The following TSBP1 variants were observed in gnomAD, a reference collection of about 807,000 sequenced individuals.
TSBP1 encodes the protein testis-expressed basic protein 1.
Under a neutral mutation model 68.8 loss-of-function variants are expected in TSBP1, and 56 were observed. That is an observed-to-expected ratio of 0.81 (90% CI 0.66 to 1.02). The LOEUF (loss-of-function observed/expected upper bound fraction) is 1.02. TSBP1 is among the 50% of genes least tolerant of loss of function. The probability of loss-of-function intolerance (pLI) is 0.00; values close to 1 mark genes in which losing one functional copy is unlikely to be tolerated. For synonymous variants in TSBP1, 171 were observed against 208.7 expected (o/e 0.82, Z 1.56); for missense variants, 502 against 641.2 (o/e 0.78, Z 2.34).
chr6:32,300,837 C>G, intron 20 of TSBP1, 137 bp from the exon 24 acceptor site: 1 of 726,198 alleles, frequency 1.4e-6, no homozygotes, highest in Non-Finnish European at 2.4e-6. Flanking sequence ...AACTTCATTT[C>G]CCTTCCCCCT....
intron 19 of TSBP1, among the ~76,000 whole-genome samples, chr6:32,303,386 T>A (rs1395634602): frequency 2.0e-5 from 3 of 152,162 alleles, no homozygotes; most frequent in African/African-American, 7.2e-5. Flanking sequence ...CTTTGTCTTC[T>A]TGATGCATTG....
intron 22 of TSBP1, among the ~76,000 whole-genome samples, chr6:32,298,408 T>G (rs1562054337): frequency 6.6e-6 from 1 of 152,094 alleles, no homozygotes; most frequent in African/African-American, 2.4e-5. Flanking sequence ...AGTGAAACCC[T>G]GTCTCTATTA....
intron 15 of TSBP1, among the ~76,000 whole-genome samples, chr6:32,331,817 A>G (rs2127599376): frequency 1.3e-5 from 2 of 152,284 alleles, no homozygotes; most frequent in African/African-American, 4.8e-5. Flanking sequence ...TGCTGGACGT[A>G]AAGCCTACAT....
intron 10 of TSBP1, chr6:32,339,279 A>G: frequency 1.8e-6 from 1 of 553,348 alleles, no homozygotes; most frequent in South Asian, 2.5e-5. Context: ...AATTTCATTA[A>G]TTAATCTAGT....
At chr6:32,327,970 T>G (rs11752503) in intron 16 of TSBP1, among the ~76,000 whole-genome samples, 1 of 149,856 alleles carries the variant, frequency 6.7e-6, no homozygotes, top group Non-Finnish European at 1.5e-5. Flanking sequence ...TATTATTTTT[T>G]TTTTTTTGTA....
At chr6:32,330,921 C>T (rs2032288230) in intron 15 of TSBP1, among the ~76,000 whole-genome samples, 2 of 152,150 alleles carry the variant, frequency 1.3e-5, no homozygotes, top group Non-Finnish European at 2.9e-5. Flanking sequence ...TCCTTGGCCT[C>T]CCAAAGTGCT....
In TSBP1 at chr6:32,367,906, T is replaced by C. The variant is rs768448572; in HGVS notation, c.166+19A>G. The C allele has an allele frequency of 1.3e-6, 2 of 1,582,900 alleles. No homozygotes were observed. Among genetic ancestry groups the C allele is most frequent in the Non-Finnish European group, 1.7e-6 (2 of 1,153,298 alleles). ...GTATATTCCTTCATTAACTGTCTAG[T>C]AGTTCCTAATCTATTTACCTCTACC... On this transcript the variant is annotated intron_variant, in intron 4 of 22. Transcript: ENST00000612031.
At chr6:32,328,778 G>C (rs10947253) in intron 16 of TSBP1, among the ~76,000 whole-genome samples, 50,977 of 150,982 alleles carry the variant, frequency 0.34, 9,621 homozygotes, top group Middle Eastern at 0.52. Flanking sequence ...GTCTCGAACT[G>C]CTGACCTCGT....
rs571126984 is a variant in TSBP1 at position 32,338,597 on chromosome 6, G to A, written c.409+382C>T. 6.6e-5 allele frequency among the ~76,000 whole-genome samples: 10 copies of A among 152,038 alleles called. 1 individual carries two copies. In the South Asian group the frequency reaches 1.3e-3, roughly 19 times the overall value. On this transcript the variant is annotated intron_variant, in intron 11 of 22. Coordinates refer to ENST00000612031, the Ensembl canonical transcript of TSBP1. This position sits in a 1 kb window ranked among gnomAD's most constrained non-coding sequence, Gnocchi z 5.5. ...ACATCAGTGACAGTCTGGGATCCTC[G>A]GTCAGTGAGCTGGGACTCACTGCAT...
chr6:32,355,285 G>C, intron 7 of TSBP1, 141 bp from the exon 8 acceptor site: 1 of 798,938 alleles, frequency 1.3e-6, no homozygotes, highest in Non-Finnish European at 2.1e-6. Context: ...CTGGTGATGG[G>C]TACTGACAGC....
chr6:32,354,290 A>G (rs1435524631), intron 8 of TSBP1, among the ~76,000 whole-genome samples: 1 of 152,060 alleles, frequency 6.6e-6, no homozygotes, highest in African/African-American at 2.4e-5. Context: ...AGCAATTTAT[A>G]TAGGGTGAAG....
intron 19 of TSBP1, among the ~76,000 whole-genome samples, chr6:32,303,925 T>C (rs1440947695): frequency 6.6e-6 from 1 of 152,210 alleles, no homozygotes; most frequent in African/African-American, 2.4e-5. Flanking sequence ...CTTTTATCTT[T>C]TGGAGTTTCA....
At chr6:32,339,523 C>A in intron 10 of TSBP1, 77 bp downstream of exon 11, 1 of 812,582 alleles carries the variant, frequency 1.2e-6, no homozygotes, top group South Asian at 1.4e-5. Context: ...ATCAAAATAT[C>A]ACATGTATCC....
At chr6:32,332,267 G>A (rs993662912) in intron 14 of TSBP1, among the ~76,000 whole-genome samples, 2 of 152,160 alleles carry the variant, frequency 1.3e-5, no homozygotes, top group African/African-American at 4.8e-5. Flanking sequence ...TCAGCCCAAG[G>A]TGAAGGTTTT....
At position 32,343,587 on chromosome 6, in the gene TSBP1, G is replaced by A. The variant is rs1583113323; in HGVS notation, c.350-3949C>T. Among the ~76,000 whole-genome samples, 2 of 151,860 alleles carry A rather than the reference G, an allele frequency of 1.3e-5. No homozygotes were observed. The highest frequency in any genetic ancestry group is 4.8e-5 in the African/African-American group (2 of 41,314). ...TTGGAGAGTCTTCTTTCCCTAATGTGATAGCCTCAAGAACCAAAGAAAGGC... is the reference window on the plus strand; with the variant it reads ...TTGGAGAGTCTTCTTTCCCTAATGTAATAGCCTCAAGAACCAAAGAAAGGC... On this transcript the variant is annotated intron_variant, in intron 9 of 22. Transcript: ENST00000612031. The surrounding 1 kb of genome is among the most constrained non-coding windows in gnomAD (Gnocchi z 4.3).
At position 32,306,161 on chromosome 6, in the gene TSBP1, T is replaced by A. The variant is rs138801475; in HGVS notation, c.581-3532A>T. ...TTAGGACAATTTTAGAACACTAAGATAAAATGCAAAAACAGCAATCATGGA... is the reference window on the plus strand; with the variant it reads ...TTAGGACAATTTTAGAACACTAAGAAAAAATGCAAAAACAGCAATCATGGA... On this transcript the variant is annotated intron_variant, in intron 19 of 22. Transcript: ENST00000612031. This position sits in a 1 kb window ranked among gnomAD's most constrained non-coding sequence, Gnocchi z 5.1. 6.6e-6 allele frequency among the ~76,000 whole-genome samples: 1 copy of A among 152,176 alleles called. No individual in the cohort carries two copies. The highest frequency in any genetic ancestry group is 1.5e-5 in the Non-Finnish European group (1 of 68,012).
chr6:32,367,471 A>C (rs1378468368), intron 4 of TSBP1, among the ~76,000 whole-genome samples: 1 of 152,200 alleles, frequency 6.6e-6, no homozygotes, highest in Non-Finnish European at 1.5e-5. Context: ...TTTGATATCC[A>C]GCTCCCTCCT....
chr6:32,342,522 A>C (rs1055584886), intron 9 of TSBP1, among the ~76,000 whole-genome samples: 2 of 152,176 alleles, frequency 1.3e-5, no homozygotes, highest in Non-Finnish European at 2.9e-5. Context: ...CGGACTTGAA[A>C]TTTTAATGAG....
chr6:32,331,874 C>T (rs1769060740), intron 15 of TSBP1, 160 bp downstream of exon 16: 1 of 626,552 alleles, frequency 1.6e-6, no homozygotes, highest in African/African-American at 1.9e-5. Context: ...TTAACCCTCG[C>T]CTTCCCTCCA....
Sources: gnomAD v4.1 joint callset for allele counts (sites outside exome capture counted in the v4.1 genomes callset) on GRCh38, gnomAD v4.1.1 for gene constraint, Gnocchi (gnomAD v3.1) non-coding constraint, MANE v1.5 for transcripts, NCBI Gene and HGNC (gene_info 2026-07-23, HGNC 2026-07-21) for gene names.